Variants in TAF4 observed in about 807,000 individuals in gnomAD.
The protein encoded by TAF4 is TATA-box binding protein associated factor 4.
In TAF4, 9 loss-of-function variants were observed where a neutral mutation model predicts 90.3. That is an observed-to-expected ratio of 0.10 (90% CI 0.06 to 0.17). TAF4 has a LOEUF of 0.17. Among genes scored for constraint, TAF4 ranks in the 10% least tolerant of loss-of-function variants. TAF4 has a pLI of 1.00. For synonymous variants in TAF4, 818 were observed against 638.9 expected, an observed-to-expected ratio of 1.28 and a Z score of -4.23; for missense variants, 1,351 against 1,370.7, an observed-to-expected ratio of 0.99 and a Z score of 0.23.
Position 62,019,009 on chromosome 20 carries a change from C to G in TAF4, c.1361-4302G>C, listed in dbSNP as rs972587628. Among the ~76,000 whole-genome samples the G allele has an allele frequency of 1.2e-4, 19 of 152,084 alleles. 1 individual carries two copies. The stretch of plus-strand genomic sequence containing the variant: ...CAGCCCCTCTCTCTGCCCCACCCCA[C>G]CTTCCTGGAGACTCCTTCATGGCAC... On this transcript the variant is annotated intron_variant, in intron 1 of 14. Coordinates refer to ENST00000252996, the MANE Select transcript of TAF4 (RefSeq NM_003185.4).
intron 1 of TAF4, among the ~76,000 whole-genome samples, chr20:62,044,680 T>C (rs1187334199): frequency 6.6e-6 from 1 of 152,214 alleles, no homozygotes; most frequent in Non-Finnish European, 1.5e-5. Flanking sequence ...TTTATGTTAC[T>C]AGGATCTAAG....
chr20:62,033,179 G>A (rs538827704), intron 1 of TAF4, among the ~76,000 whole-genome samples: 28 of 152,292 alleles, frequency 1.8e-4, no homozygotes, highest in African/African-American at 3.4e-4. Context: ...TCAGCAGGGC[G>A]GGGTCAGGCA....
At chr20:62,009,268 T>TA (rs2055764711) in intron 4 of TAF4, 94 bp from the exon 5 acceptor site, 1 of 1,255,248 alleles carries the variant, frequency 8.0e-7, no homozygotes, top group African/African-American at 1.5e-5. Context: ...GTACAAAAGA[T>TA]ACATATATTT....
At chr20:61,997,698 A>G in intron 13 of TAF4, 29 bp from the exon 14 acceptor site, 1 of 1,599,756 alleles carries the variant, frequency 6.3e-7, no homozygotes, top group East Asian at 2.2e-5. Context: ...GACAAGGAGC[A>G]TCATTTCTTG....
At chr20:61,979,566 GCC>G (rs2055523009) in intron 14 of TAF4, among the ~76,000 whole-genome samples, 1 of 145,588 alleles carries the variant, frequency 6.9e-6, no homozygotes, top group Non-Finnish European at 1.5e-5. Flanking sequence ...AGGGACTGCG[GCC>G]CATGCAGGCG....
chr20:61,996,385 AAAAAATT>A (rs199533552), intron 14 of TAF4, among the ~76,000 whole-genome samples: 1 of 152,272 alleles, frequency 6.6e-6, no homozygotes, highest in Non-Finnish European at 1.5e-5. Flanking sequence ...CCTGCGTCTA[AAAAAATT>A]AAAAATTAAA....
chr20:62,004,261 A>G (rs2055728458), intron 7 of TAF4, among the ~76,000 whole-genome samples: 2 of 150,846 alleles, frequency 1.3e-5, no homozygotes, highest in Non-Finnish European at 3.0e-5. Context: ...CAGAGGTGAC[A>G]TTGTTGCCTG....
At chr20:62,062,794 G>A (rs1483441509) in intron 1 of TAF4, among the ~76,000 whole-genome samples, 1 of 152,158 alleles carries the variant, frequency 6.6e-6, no homozygotes, top group Non-Finnish European at 1.5e-5. Context: ...GACAGATGAG[G>A]CTTTACCTCT....
At chr20:62,013,750 C>T (rs1023638485) in intron 2 of TAF4, among the ~76,000 whole-genome samples, 3 of 152,210 alleles carry the variant, frequency 2.0e-5, no homozygotes, top group African/African-American at 7.2e-5. Flanking sequence ...GGGGCAGGAA[C>T]ACGCAGCGTG....
chr20:62,063,004 G>A (rs998042655), intron 1 of TAF4, among the ~76,000 whole-genome samples: 2 of 152,166 alleles, frequency 1.3e-5, no homozygotes, highest in African/African-American at 2.4e-5. Flanking sequence ...CTAAAGATCA[G>A]CCACGTTTCC....
rs1028122670 is a variant in TAF4, at chr20:62,022,149, G to A, written c.1361-7442C>T. 3.9e-5 allele frequency among the ~76,000 whole-genome samples: 6 copies of A among 151,922 alleles called. No homozygotes were observed. In the East Asian group the frequency reaches 5.8e-4, roughly 15 times the overall value. On this transcript the variant is annotated intron_variant, in intron 1 of 14. Coordinates refer to ENST00000252996, the MANE Select transcript of TAF4 (RefSeq NM_003185.4). Reference sequence around the variant, plus strand: ...ATAATGGTATCACGAAAGTGTCTGCGCCGTGGAGACCTGTGCAGTCAGGAG... The same window carrying A: ...ATAATGGTATCACGAAAGTGTCTGCACCGTGGAGACCTGTGCAGTCAGGAG...
Position 62,064,773 on chromosome 20 carries a change from C to A in TAF4, c.1038G>T (p.Ser346=), listed in dbSNP as rs1456612013. The change falls in exon 1 of 15, where the codon TCG becomes TCT. Residue 346 remains serine (S), a synonymous_variant. Coordinates refer to ENST00000252996, the MANE Select transcript of TAF4 (RefSeq NM_003185.4). ...GCGCCGCCTGCACCACCCTCTTGGG[C>A]GACTCGGCCTTGACCCCCGGCGCCG... ...AAPAPGVKAE[S]PKRVVQAAPP... 8.9e-7 allele frequency: 1 copy of A among 1,123,106 alleles called. No homozygotes were observed. Among genetic ancestry groups the A allele is most frequent in the Non-Finnish European group, 1.1e-6 (1 of 921,328 alleles). 69.6% of individuals were successfully genotyped at this position (1,123,106 alleles called of 1,614,324 possible).
chr20:62,052,897 C>T (rs1052579744), intron 1 of TAF4, among the ~76,000 whole-genome samples: 4 of 151,304 alleles, frequency 2.6e-5, no homozygotes, highest in South Asian at 4.2e-4. Context: ...CGCTGCCACT[C>T]GTACCATCAG....
chr20:62,017,494 A>AAG (rs1217792219), intron 1 of TAF4, among the ~76,000 whole-genome samples: 4 of 151,404 alleles, frequency 2.6e-5, no homozygotes, highest in Admixed American at 6.6e-5. Flanking sequence ...AAAAAAAAAA[A>AAG]AAATTAGCCA....
At chr20:62,046,651 C>A (rs561475726) in intron 1 of TAF4, among the ~76,000 whole-genome samples, 2 of 152,202 alleles carry the variant, frequency 1.3e-5, no homozygotes, top group Non-Finnish European at 2.9e-5. Context: ...CTGCCGCACA[C>A]GGTCAATCAG....
intron 1 of TAF4, among the ~76,000 whole-genome samples, chr20:62,019,567 G>A (rs1033713906): frequency 6.6e-6 from 1 of 152,236 alleles, no homozygotes; most frequent in African/African-American, 2.4e-5. Flanking sequence ...TGCAGAGCCA[G>A]CAGTGGCCAC....
At chr20:62,051,362 G>A (rs985187743) in intron 1 of TAF4, among the ~76,000 whole-genome samples, 2 of 152,144 alleles carry the variant, frequency 1.3e-5, no homozygotes, top group Admixed American at 6.5e-5. Flanking sequence ...ATCACAGGGC[G>A]TCACCGCCCG....
intron 14 of TAF4, among the ~76,000 whole-genome samples, chr20:61,992,872 GCA>G (rs933199051): frequency 2.0e-5 from 3 of 152,144 alleles, no homozygotes; most frequent in African/African-American, 4.8e-5. Context: ...GCCAAAGATG[GCA>G]CAGTCTGAAC....
rs534010182 is a variant in TAF4 at position 62,064,511 on chromosome 20, G to T, written c.1300C>A (p.Pro434Thr). The change falls in exon 1 of 15, where the codon CCC becomes ACC. Residue 434 changes from proline (P) to threonine (T), a missense_variant. By Grantham distance (38) the Pro-to-Thr change is conservative (BLOSUM62 -1). Around this residue, in one of 9 missense-constraint regions of TAF4, gnomAD observed 782 missense variants for 536.6 expected, o/e 1.46. Coordinates refer to ENST00000252996, the MANE Select transcript of TAF4 (RefSeq NM_003185.4). ...RATLTPTVLA[P>T]RLPQPPQNPT... The stretch of plus-strand genomic sequence containing the variant: ...TTCTGAGGCGGCTGCGGCAAGCGGG[G>T]GGCCAGCACGGTGGGCGTCAGGGTG... 6.6e-6 allele frequency: 10 copies of T among 1,521,594 alleles called. No homozygotes were observed. In the South Asian group the frequency reaches 9.9e-5, roughly 15 times the overall value. 94.3% of individuals were successfully genotyped at this position (1,521,594 alleles called of 1,614,324 possible). A position where few individuals can be genotyped will look rare whatever the true frequency, so the allele number is the denominator to read the frequency against.
Sources: gnomAD v4.1 joint callset for allele counts (sites outside exome capture counted in the v4.1 genomes callset) on GRCh38, gnomAD v4.1.1 for gene constraint, gnomAD v4.1.1 regional missense constraint, MANE v1.5 for transcripts, NCBI Gene and HGNC (gene_info 2026-07-23, HGNC 2026-07-21) for gene names.